RANBP2: variants seen among roughly 807,000 people sequenced by gnomAD.
RANBP2 encodes the protein RAN binding protein 2.
RANBP2 carries 57 observed loss-of-function variants against 303.6 expected under a neutral mutation model. The observed-to-expected ratio is 0.19, with a 90% confidence interval of 0.15 to 0.23. The LOEUF is 0.23. RANBP2 is among the 10% of genes least tolerant of loss of function. RANBP2 has a pLI of 1.00. For synonymous variants in RANBP2, 1,167 were observed against 1,301.5 expected (o/e 0.90, Z 2.23); for missense variants, 3,138 against 3,780.8 (o/e 0.83, Z 4.46).
At chr2:109,614,150 AGGAATGCAGGCGG>A in the RANBP2 span, 1 of 1,197,340 alleles carries the variant, frequency 8.4e-7, no homozygotes, top group African/African-American at 1.6e-5. Context: ...AGACGGCGCG[AGGAATGCAGGCGG>A]GAACTGCGGA....
chr2:109,593,057 T>C, the RANBP2 span: 1 of 1,592,638 alleles, frequency 6.3e-7, no homozygotes, highest in Admixed American at 1.8e-5. Flanking sequence ...TCACTATCTG[T>C]TCATCATCTG....
the RANBP2 span, among the ~76,000 whole-genome samples, chr2:109,427,265 G>A: frequency 8.6e-5 from 13 of 152,026 alleles, no homozygotes; most frequent in African/African-American, 1.2e-4. Flanking sequence ...CACCGTGCCT[G>A]GACAAAGAAA....
chr2:109,727,045 C>T, the RANBP2 span, among the ~76,000 whole-genome samples: 10 of 152,334 alleles, frequency 6.6e-5, no homozygotes, highest in African/African-American at 2.4e-4. Context: ...GGGGGTCAGG[C>T]ACCATGTACT....
In RANBP2 at chr2:108,742,616, A is replaced by T. The variant is rs184024833; in HGVS notation, c.975+1935A>T. Among the ~76,000 whole-genome samples, 290 of 152,044 alleles carry T rather than the reference A, an allele frequency of 1.9e-3. 3 individuals are homozygous for T. Among genetic ancestry groups the T allele is most frequent in the African/African-American group, 6.8e-3 (281 of 41,486 alleles). ...ACCGAGCCCGGCCTGTAAATCTTTT[A>T]AAAACACCGTTGATAGACAGTTCAC... On this transcript the variant is annotated intron_variant, in intron 7 of 28. Coordinates refer to ENST00000283195, the MANE Select transcript of RANBP2 (RefSeq NM_006267.5).
chr2:109,398,830 A>T, the RANBP2 span: 1 of 1,613,964 alleles, frequency 6.2e-7, no homozygotes, highest in Non-Finnish European at 8.5e-7. Flanking sequence ...CCAGGCTGCC[A>T]GCCACAGGCA....
At chr2:108,731,250 T>G (rs1199026561) in intron 3 of RANBP2, 72 bp from the exon 4 acceptor site, 10 of 1,549,068 alleles carry the variant, frequency 6.5e-6, no homozygotes, top group Non-Finnish European at 7.8e-6. Context: ...AACCTTTATA[T>G]ATAAGTATAT....
chr2:109,520,538 T>C, the RANBP2 span, among the ~76,000 whole-genome samples: 1 of 141,350 alleles, frequency 7.1e-6, no homozygotes, highest in Non-Finnish European at 1.5e-5. Flanking sequence ...AGGCGGAGGT[T>C]GCAGTGAGCC....
the RANBP2 span, among the ~76,000 whole-genome samples, chr2:109,198,071 G>A: frequency 6.6e-6 from 1 of 152,152 alleles, no homozygotes; most frequent in African/African-American, 2.4e-5. Flanking sequence ...CAGTGTGTCA[G>A]TTGGGGGTGC....
the RANBP2 span, among the ~76,000 whole-genome samples, chr2:108,807,972 G>A: frequency 6.6e-6 from 1 of 152,082 alleles, no homozygotes; most frequent in Admixed American, 6.5e-5. Flanking sequence ...CCTTTCCACA[G>A]CCATCCCAAC....
the RANBP2 span, among the ~76,000 whole-genome samples, chr2:109,434,404 C>T: frequency 2.0e-5 from 3 of 152,190 alleles, no homozygotes; most frequent in African/African-American, 7.2e-5. Flanking sequence ...TGAGAACTTC[C>T]GCAGACCTTC....
chr2:108,731,550 A>C (rs1346203853), intron 4 of RANBP2, 76 bp downstream of exon 4: 7 of 1,606,964 alleles, frequency 4.4e-6, no homozygotes, highest in Non-Finnish European at 5.9e-6. Flanking sequence ...ATTACTTTTC[A>C]ATAGCAAACC....
chr2:109,170,949 C>T, the RANBP2 span, among the ~76,000 whole-genome samples: 1 of 152,166 alleles, frequency 6.6e-6, no homozygotes, highest in Admixed American at 6.5e-5. Flanking sequence ...CCACACCGGG[C>T]TGGGTGCTGA....
At chr2:109,376,085 C>T in the RANBP2 span, among the ~76,000 whole-genome samples, 1 of 152,326 alleles carries the variant, frequency 6.6e-6, no homozygotes, top group Admixed American at 6.5e-5. Flanking sequence ...AGGCAGAGAG[C>T]ACTGTCCTGT....
the RANBP2 span, among the ~76,000 whole-genome samples, chr2:109,540,814 A>C: frequency 7.9e-5 from 12 of 151,262 alleles, no homozygotes; most frequent in South Asian, 2.1e-4. Context: ...AAAAAAAAAA[A>C]GCTACACATT....
the RANBP2 span, among the ~76,000 whole-genome samples, chr2:109,096,593 G>C: frequency 6.6e-6 from 1 of 152,072 alleles, no homozygotes; most frequent in East Asian, 1.9e-4. Context: ...TATGACATTA[G>C]AATAAAGGAA....
chr2:108,722,430 G>A (rs1300195779), intron 1 of RANBP2, among the ~76,000 whole-genome samples: 2 of 151,828 alleles, frequency 1.3e-5, no homozygotes, highest in Admixed American at 6.6e-5. Context: ...AGGGAGAAGA[G>A]GCAGTGGCTG....
At chr2:109,567,720 G>A in the RANBP2 span, 1 of 1,185,036 alleles carries the variant, frequency 8.4e-7, no homozygotes, top group Non-Finnish European at 1.1e-6. Context: ...CTTTTTGGAA[G>A]ACACAAGTGA....
the RANBP2 span, among the ~76,000 whole-genome samples, chr2:109,075,791 AAC>A: frequency 6.6e-6 from 1 of 150,602 alleles, no homozygotes; most frequent in Non-Finnish European, 1.5e-5. Flanking sequence ...AGAAAACCTT[AAC>A]AGATGAGTTA....
chr2:109,535,305 G>T, the RANBP2 span, among the ~76,000 whole-genome samples: 2 of 152,164 alleles, frequency 1.3e-5, no homozygotes. Context: ...TGGCCAGCTT[G>T]ATGAATCTTC....
Sources: allele counts gnomAD v4.1 joint callset (sites outside exome capture counted in the v4.1 genomes callset), GRCh38; gene constraint gnomAD v4.1.1; transcripts MANE v1.5; gene names NCBI Gene and HGNC (gene_info 2026-07-23, HGNC 2026-07-21).